CTNNA3: variants seen among roughly 807,000 people sequenced by gnomAD.
CTNNA3 encodes catenin alpha 3.
A neutral mutation model predicts 95.7 loss-of-function variants in CTNNA3; 76 were observed. That is an observed-to-expected ratio of 0.79 (90% confidence interval 0.66 to 0.96). The LOEUF (loss-of-function observed/expected upper bound fraction) is 0.96, where lower values mean the gene tolerates loss of function less well. CTNNA3 is among the 40% of genes least tolerant of loss of function. The pLI is 0.00. For synonymous variants in CTNNA3, 431 were observed against 374.4 expected, an observed-to-expected ratio of 1.15 and a Z score of -1.74; for missense variants, 1,191 against 1,089.8, an observed-to-expected ratio of 1.09 and a Z score of -1.31.
At chr10:67,140,597 T>C (rs2132039907) in intron 7 of CTNNA3, among the ~76,000 whole-genome samples, 1 of 152,318 alleles carries the variant, frequency 6.6e-6, no homozygotes, top group South Asian at 2.1e-4. Context: ...AAAACAAGTA[T>C]AATTTAAAAG....
Position 66,147,545 on chromosome 10 carries a change from C to A in CTNNA3, c.1885-44296G>T, listed in dbSNP as rs1421506804. Among the ~76,000 whole-genome samples the A allele has an allele frequency of 2.7e-5, 4 of 150,232 alleles. No individual in the cohort carries two copies. In the Admixed American group the frequency reaches 2.7e-4, roughly 10 times the overall value. ...TTATTTTTAAAGGCTACATAATACT[C>A]CATAGAATAACTGTACCATGGTATT... On this transcript the variant is annotated intron_variant, in intron 13 of 17. Transcript: ENST00000433211.
At chr10:66,584,780 C>T (rs1392049550) in intron 10 of CTNNA3, among the ~76,000 whole-genome samples, 2 of 151,910 alleles carry the variant, frequency 1.3e-5, no homozygotes, top group African/African-American at 4.8e-5. Context: ...TTTATAAGCC[C>T]TGTGAATTTT....
chr10:67,534,401 T>A (rs931003043), intron 4 of CTNNA3, among the ~76,000 whole-genome samples: 2 of 152,108 alleles, frequency 1.3e-5, no homozygotes, highest in Admixed American at 1.3e-4. Context: ...AGGGGCCAAG[T>A]GGAGTGCTAG....
At chr10:67,074,376 A>G (rs1589700193) in intron 7 of CTNNA3, among the ~76,000 whole-genome samples, 1 of 92,418 alleles carries the variant, frequency 1.1e-5, no homozygotes, top group Non-Finnish European at 1.9e-5. Context: ...TTTGAGACGG[A>G]GTCTCGCTCT....
chr10:66,557,033 C>A (rs997374536), intron 10 of CTNNA3, among the ~76,000 whole-genome samples: 4 of 151,884 alleles, frequency 2.6e-5, no homozygotes, highest in African/African-American at 7.3e-5. Flanking sequence ...TAAAATAATA[C>A]AACTGCAATT....
Position 67,639,651 on chromosome 10 carries a change from A to T in CTNNA3, c.99+7764T>A, listed in dbSNP as rs201657055. On this transcript the variant is annotated intron_variant, in intron 2 of 17. Coordinates refer to ENST00000433211, the MANE Select transcript of CTNNA3 (RefSeq NM_013266.4). ...AATCCAGCAACACATCAAAAACCTTATCCACCATGATCTAGTGGGCTTCAT... is the reference window on the plus strand; with the variant it reads ...AATCCAGCAACACATCAAAAACCTTTTCCACCATGATCTAGTGGGCTTCAT... 0.035 allele frequency among the ~76,000 whole-genome samples: 5,149 copies of T among 145,736 alleles called. 615 individuals carry two copies. In the East Asian group the frequency reaches 0.43, roughly 12 times the overall value.
In CTNNA3 at chr10:67,647,414, C is replaced by T. The variant is rs866075941; in HGVS notation, c.99+1G>A. ...TATCATAATTTCCATGGTATTAATA[C>T]CTGGATTATGAGAGGCTCCAGTAGC... On this transcript the variant is annotated splice_donor_variant, in intron 2 of 17. Transcript: ENST00000433211. LOFTEE classifies it high-confidence loss of function. The T allele has an allele frequency of 6.2e-7, 1 of 1,606,874 alleles. No individual in the cohort carries two copies. Among genetic ancestry groups the T allele is most frequent in the Non-Finnish European group, 8.5e-7 (1 of 1,174,256 alleles).
At chr10:67,608,189 T>C (rs1257406783) in intron 2 of CTNNA3, among the ~76,000 whole-genome samples, 1 of 152,114 alleles carries the variant, frequency 6.6e-6, no homozygotes, top group Admixed American at 6.6e-5. Context: ...AGTAAGGATT[T>C]GGACTTTGTC....
chr10:66,859,048 C>T (rs1393294032), intron 7 of CTNNA3, among the ~76,000 whole-genome samples: 1 of 151,892 alleles, frequency 6.6e-6, no homozygotes, highest in African/African-American at 2.4e-5. Context: ...TGGGGTGATG[C>T]ATCAATCATT....
chr10:66,655,181 T>A (rs942602611), intron 9 of CTNNA3, among the ~76,000 whole-genome samples: 5 of 152,094 alleles, frequency 3.3e-5, no homozygotes, highest in African/African-American at 9.7e-5. Context: ...TAAAACATCA[T>A]GTGGTACATG....
chr10:65,970,427 A>G (rs577352589), intron 16 of CTNNA3, among the ~76,000 whole-genome samples: 16 of 152,046 alleles, frequency 1.1e-4, no homozygotes. Flanking sequence ...GCATATTAAT[A>G]TTATCCTTGA....
At chr10:67,357,355 A>G (rs905207168) in intron 5 of CTNNA3, among the ~76,000 whole-genome samples, 1 of 152,154 alleles carries the variant, frequency 6.6e-6, no homozygotes, top group African/African-American at 2.4e-5. Flanking sequence ...TGAAAAAAAT[A>G]CTATAAACAA....
At chr10:67,482,130 C>A (rs1313471863) in intron 5 of CTNNA3, among the ~76,000 whole-genome samples, 4 of 150,810 alleles carry the variant, frequency 2.7e-5, no homozygotes, top group African/African-American at 9.8e-5. Context: ...GTACCAGTAC[C>A]ATGCTGTTTT....
At chr10:66,389,711 C>CAT (rs944426147) in intron 11 of CTNNA3, among the ~76,000 whole-genome samples, 1 of 133,316 alleles carries the variant, frequency 7.5e-6, no homozygotes. Flanking sequence ...CAGTTTCATT[C>CAT]ATATATATAT....
intron 5 of CTNNA3, among the ~76,000 whole-genome samples, chr10:67,402,617 G>A (rs183253808): frequency 5.9e-5 from 9 of 152,132 alleles, no homozygotes; most frequent in Admixed American, 2.0e-4. Flanking sequence ...TGGAAGTGAC[G>A]CAAAGCCAAG....
At chr10:66,973,256 C>T (rs1322806200) in intron 7 of CTNNA3, among the ~76,000 whole-genome samples, 1 of 151,918 alleles carries the variant, frequency 6.6e-6, no homozygotes, top group African/African-American at 2.4e-5. Flanking sequence ...TGAGTAAAGA[C>T]TATAATGTAT....
At chr10:66,579,688 G>C (rs1843119861) in intron 10 of CTNNA3, among the ~76,000 whole-genome samples, 3 of 151,504 alleles carry the variant, frequency 2.0e-5, no homozygotes. Flanking sequence ...TTATTTTATT[G>C]TTCCTTCATC....
intron 13 of CTNNA3, among the ~76,000 whole-genome samples, chr10:66,262,059 CA>C (rs954285119): frequency 1.3e-5 from 2 of 151,076 alleles, no homozygotes; most frequent in East Asian, 3.9e-4. Flanking sequence ...ACATATTGGG[CA>C]AAAAAAACCT....
At chr10:66,141,658 G>A (rs1398333885) in intron 13 of CTNNA3, among the ~76,000 whole-genome samples, 1 of 152,010 alleles carries the variant, frequency 6.6e-6, no homozygotes, top group Non-Finnish European at 1.5e-5. Flanking sequence ...TATTGTTTTT[G>A]TCATACTCCA....
Sources: allele counts gnomAD v4.1 joint callset (sites outside exome capture counted in the v4.1 genomes callset), GRCh38; gene constraint gnomAD v4.1.1; transcripts MANE v1.5; gene names NCBI Gene and HGNC (gene_info 2026-07-23, HGNC 2026-07-21).